Variants in TRAPPC9 observed in about 807,000 individuals in gnomAD.
TRAPPC9 encodes the protein trafficking protein particle complex subunit 9, also known as IKK2 binding protein.
A neutral mutation model predicts 124.0 loss-of-function variants in TRAPPC9; 83 were observed. The observed-to-expected ratio is 0.67, with a 90% CI of 0.56 to 0.80. TRAPPC9 has a LOEUF of 0.80. Ranked by LOEUF, TRAPPC9 falls within the 30% of genes least tolerant of loss-of-function variation. The pLI is 0.00. For missense variants in TRAPPC9, 1,302 were observed against 1,508.3 expected (o/e 0.86, Z 2.27); for synonymous variants, 638 against 617.5 (o/e 1.03, Z -0.49).
At position 139,756,537 on chromosome 8, in the gene TRAPPC9, A is replaced by G. The variant is rs548879811; in HGVS notation, c.3056-24335T>C. Among the ~76,000 whole-genome samples, 7 of 145,352 alleles carry G rather than the reference A, an allele frequency of 4.8e-5. No homozygotes were observed. In the East Asian group the frequency reaches 6.4e-4, roughly 13 times the overall value. On this transcript the variant is annotated intron_variant, in intron 21 of 22. Transcript: ENST00000438773. ...GGGGATGAGGACAGCAGGTCGCAGG[A>G]GGAGCCAGGGTTTGGGGATGAGGAC...
At chr8:140,192,407 C>T (rs1335584081) in intron 17 of TRAPPC9, among the ~76,000 whole-genome samples, 2 of 152,232 alleles carry the variant, frequency 1.3e-5, no homozygotes, top group Non-Finnish European at 2.9e-5. Context: ...AAGTCACTGG[C>T]TGACTTCTGC....
chr8:139,965,440 C>T (rs897671712), intron 19 of TRAPPC9, among the ~76,000 whole-genome samples: 2 of 152,206 alleles, frequency 1.3e-5, no homozygotes, highest in Non-Finnish European at 2.9e-5. Context: ...AGTCTGCACA[C>T]GTCCTCCTCA....
At chr8:140,456,842 A>G in intron 1 of TRAPPC9, 1 of 985,316 alleles carries the variant, frequency 1.0e-6, no homozygotes, top group Non-Finnish European at 1.2e-6. Context: ...TCCTCTCTCT[A>G]TAGAAACATT....
intron 18 of TRAPPC9, among the ~76,000 whole-genome samples, chr8:139,989,912 G>A (rs547225659): frequency 2.4e-3 from 358 of 152,276 alleles, no homozygotes; most frequent in Middle Eastern, 0.01. Flanking sequence ...ACAGGTCATC[G>A]ATAAATGTCT....
At chr8:139,769,801 T>C (rs528723073) in intron 21 of TRAPPC9, among the ~76,000 whole-genome samples, 1 of 152,372 alleles carries the variant, frequency 6.6e-6, no homozygotes, top group Non-Finnish European at 1.5e-5. Flanking sequence ...ATTACTTTTA[T>C]ACTGATTTGT....
In TRAPPC9 at chr8:140,405,647, C is replaced by G. The variant is rs757159552; in HGVS notation, c.938G>C (p.Arg313Pro). The G allele has an allele frequency of 1.2e-6, 2 of 1,614,018 alleles. No individual in the cohort carries two copies. The highest frequency in any genetic ancestry group is 2.7e-5 in the African/African-American group (2 of 74,928). The change falls in exon 6 of 23, where the codon CGT becomes CCT. Residue 313 changes from arginine to proline, a missense_variant. Transcript: ENST00000438773. ...TTCAGGGCTAAGGCAGTTCTTAGCA[C>G]GTCCGATCTCAGTACTGGTGTCAGG... ...INPDTSTEIG[R>P]AKNCLSPEDI...
intron 15 of TRAPPC9, among the ~76,000 whole-genome samples, chr8:140,269,741 A>C (rs2064818642): frequency 6.6e-6 from 1 of 152,142 alleles, no homozygotes; most frequent in Non-Finnish European, 1.5e-5. Flanking sequence ...TCTTATAATA[A>C]AAGTTTGAGG....
At chr8:140,456,677 T>C (rs1476247180) in intron 1 of TRAPPC9, 1 of 496,184 alleles carries the variant, frequency 2.0e-6, no homozygotes, top group Non-Finnish European at 2.6e-6. Context: ...ATCCACCCGG[T>C]GCTTTGTTTC....
rs762438595 is a variant in TRAPPC9, at chr8:140,439,106, A to C, written c.676T>G (p.Tyr226Asp). ...CGCAGCAGCTCCACCGACATGTGGTAATGCACCAGGGAGTCCTGCAGCATC... is the reference window on the plus strand; with the variant it reads ...CGCAGCAGCTCCACCGACATGTGGTCATGCACCAGGGAGTCCTGCAGCATC... The part of the protein sequence containing the change: ...AGMLQDSLVH[Y>D]HMSVELLRSV... Residue 226 changes from tyrosine (Y) to aspartate (D), a missense_variant, in exon 3 of 23, where the codon TAC becomes GAC. By Grantham distance (160) the Tyr-to-Asp change is radical. Transcript: ENST00000438773. 6.2e-7 allele frequency: 1 copy of C among 1,614,248 alleles called. No homozygotes were observed. Among genetic ancestry groups the C allele is most frequent in the Non-Finnish European group, 8.5e-7 (1 of 1,180,044 alleles).
intron 21 of TRAPPC9, among the ~76,000 whole-genome samples, chr8:139,861,055 C>T (rs1587009752): frequency 6.6e-6 from 1 of 152,384 alleles, no homozygotes; most frequent in African/African-American, 2.4e-5. Context: ...GCGGCATATG[C>T]TGGCGGGAAG....
intron 20 of TRAPPC9, among the ~76,000 whole-genome samples, chr8:139,888,695 C>A (rs535041462): frequency 1.3e-5 from 2 of 152,350 alleles, no homozygotes; most frequent in South Asian, 4.1e-4. Context: ...ACGAAATTTT[C>A]TCCATCTCAT....
intron 21 of TRAPPC9, among the ~76,000 whole-genome samples, chr8:139,879,435 T>C (rs1829544418): frequency 6.6e-6 from 1 of 152,196 alleles, no homozygotes; most frequent in South Asian, 2.1e-4. Context: ...CCTCTTCTCA[T>C]GCACCACCAC....
chr8:139,913,948 G>T, intron 19 of TRAPPC9: 1 of 152,670 alleles, frequency 6.6e-6, no homozygotes, highest in Non-Finnish European at 1.5e-5. Flanking sequence ...CCCTGTGACT[G>T]TTAACCCGGA....
chr8:140,274,056 T>C (rs2065043277), intron 15 of TRAPPC9, among the ~76,000 whole-genome samples: 1 of 152,136 alleles, frequency 6.6e-6, no homozygotes, highest in African/African-American at 2.4e-5. Context: ...AAGCCTAAGA[T>C]GAATGCAAGA....
chr8:139,960,155 T>C (rs972972435), intron 19 of TRAPPC9, among the ~76,000 whole-genome samples: 2 of 152,202 alleles, frequency 1.3e-5, no homozygotes, highest in Non-Finnish European at 2.9e-5. Flanking sequence ...AATTTAAATA[T>C]AACCCCGTCT....
chr8:139,887,020 G>A (rs927431588), intron 20 of TRAPPC9, among the ~76,000 whole-genome samples: 5 of 152,100 alleles, frequency 3.3e-5, no homozygotes, highest in Non-Finnish European at 5.9e-5. Flanking sequence ...GGGCTCAGAG[G>A]TGCTCAGCAG....
intron 16 of TRAPPC9, among the ~76,000 whole-genome samples, chr8:140,228,442 G>A (rs2063504145): frequency 6.6e-6 from 1 of 152,224 alleles, no homozygotes; most frequent in Admixed American, 6.5e-5. Flanking sequence ...CATAAAGAAA[G>A]CGGCATGCTC....
intron 10 of TRAPPC9, among the ~76,000 whole-genome samples, chr8:140,310,952 C>T (rs1164001204): frequency 6.6e-5 from 10 of 151,986 alleles, no homozygotes; most frequent in African/African-American, 2.4e-5. Context: ...GTTTCCACCA[C>T]GGTGTAGTGG....
intron 17 of TRAPPC9, among the ~76,000 whole-genome samples, chr8:140,185,790 G>A (rs2062340690): frequency 6.6e-6 from 1 of 152,240 alleles, no homozygotes; most frequent in South Asian, 2.1e-4. Flanking sequence ...AGATGGGGAA[G>A]GGTTTTAGGT....
Sources: gnomAD v4.1 joint callset for allele counts (sites outside exome capture counted in the v4.1 genomes callset) on GRCh38, gnomAD v4.1.1 for gene constraint, MANE v1.5 for transcripts, NCBI Gene and HGNC (gene_info 2026-07-23, HGNC 2026-07-21) for gene names.